The following PNPLA7 variants were observed in gnomAD, a reference collection of about 807,000 sequenced individuals.
PNPLA7 encodes the protein patatin-like phospholipase domain-containing protein 7.
A neutral mutation model predicts 161.7 loss-of-function variants in PNPLA7; 153 were observed. That is an observed-to-expected ratio of 0.95 (90% CI 0.83 to 1.08). The LOEUF is 1.08. Among genes scored for constraint, PNPLA7 ranks in the 50% least tolerant of loss-of-function variants. The probability of loss-of-function intolerance (pLI) is 0.00; values close to 1 mark genes in which losing one functional copy is unlikely to be tolerated. For synonymous variants in PNPLA7, 809 were observed against 782.1 expected (o/e 1.03, Z -0.57); for missense variants, 1,739 against 1,856.6 (o/e 0.94, Z 1.16).
Position 137,547,427 on chromosome 9 carries a change from A to G in PNPLA7, c.106-31T>C. ...CGAGAGTGGAAACACGGCGCCCATC[A>G]GCAAAGCCACAAACCTAACCCTAGC... On this transcript the variant is annotated intron_variant, in intron 2 of 34. Coordinates refer to ENST00000406427, the MANE Select transcript of PNPLA7 (RefSeq NM_001098537.3). The surrounding 1 kb of genome is among the most constrained non-coding windows in gnomAD (Gnocchi z 4.6). 1 of 1,612,056 alleles carries G rather than the reference A, an allele frequency of 6.2e-7. No individual in the cohort carries two copies. Among genetic ancestry groups the G allele is most frequent in the Non-Finnish European group, 8.5e-7 (1 of 1,178,896 alleles).
intron 14 of PNPLA7, among the ~76,000 whole-genome samples, 191 bp downstream of exon 14, chr9:137,505,423 G>A (rs139510511): frequency 1.3e-5 from 2 of 152,174 alleles, no homozygotes; most frequent in South Asian, 2.1e-4. Flanking sequence ...CTTTGAGTTT[G>A]AACATAAGGC....
In PNPLA7 at chr9:137,505,628, G is replaced by A. The variant is rs1041496333; in HGVS notation, c.1459C>T (p.Leu487=). The change falls in exon 14 of 35, where the codon CTG becomes TTG. Residue 487 remains leucine (L), a synonymous_variant. Transcript: ENST00000406427. Reference sequence around the variant, plus strand: ...GGGCCACTCACTTCCAGCTTCATCAGGGTGAGCAGGTCCTTCTTGGCAGCT... The same window carrying A: ...GGGCCACTCACTTCCAGCTTCATCAAGGTGAGCAGGTCCTTCTTGGCAGCT... The part of the protein sequence containing the change: ...FRAAKKDLLT[L]MKLEDSSLLD... The A allele has an allele frequency of 1.9e-6, 3 of 1,614,080 alleles. No homozygotes were observed. Among genetic ancestry groups the A allele is most frequent in the Non-Finnish European group, 2.5e-6 (3 of 1,180,046 alleles).
chr9:137,469,830 A>G, intron 25 of PNPLA7, among the ~76,000 whole-genome samples: 1 of 152,206 alleles, frequency 6.6e-6, no homozygotes, highest in African/African-American at 2.4e-5. Flanking sequence ...AGCATCAATG[A>G]TGAACAGGAA....
At chr9:137,471,479 A>G (rs1422582211) in intron 25 of PNPLA7, among the ~76,000 whole-genome samples, 1 of 151,674 alleles carries the variant, frequency 6.6e-6, no homozygotes, top group Non-Finnish European at 1.5e-5. Flanking sequence ...GGCACCTGTA[A>G]TCCCAGCTCC....
intron 21 of PNPLA7, among the ~76,000 whole-genome samples, chr9:137,484,212 C>T (rs1345610784): frequency 5.3e-5 from 8 of 152,186 alleles, no homozygotes; most frequent in African/African-American, 1.9e-4. Flanking sequence ...GCCACCGCGC[C>T]CGACCGCATT....
intron 23 of PNPLA7, 30 bp from the exon 24 acceptor site, chr9:137,479,268 C>G: frequency 6.7e-7 from 1 of 1,494,172 alleles, no homozygotes. Flanking sequence ...TGTCTGCCAG[C>G]CGGGTGAGCC....
intron 25 of PNPLA7, among the ~76,000 whole-genome samples, chr9:137,473,036 A>G (rs1160603914): frequency 1.3e-5 from 2 of 152,126 alleles, no homozygotes; most frequent in Admixed American, 1.3e-4. Context: ...AAGGTGAAGG[A>G]GGAGCAGAGG....
intron 8 of PNPLA7, among the ~76,000 whole-genome samples, chr9:137,528,619 C>T (rs1319032491): frequency 6.6e-6 from 1 of 151,022 alleles, no homozygotes; most frequent in Non-Finnish European, 1.5e-5. Context: ...ATTCCTTCAT[C>T]TCATCTGACA....
intron 20 of PNPLA7, among the ~76,000 whole-genome samples, chr9:137,487,269 AG>A (rs1252374362): frequency 6.6e-6 from 1 of 152,198 alleles, no homozygotes; most frequent in Non-Finnish European, 1.5e-5. Flanking sequence ...GCTTCTGCCA[AG>A]GGCTGTGACC....
chr9:137,549,035 G>T (rs1041767241), intron 1 of PNPLA7, among the ~76,000 whole-genome samples: 7 of 152,240 alleles, frequency 4.6e-5, no homozygotes, highest in African/African-American at 1.4e-4. Context: ...ATCCAAGGAA[G>T]GCCTATCACG....
At chr9:137,534,154 T>A (rs1186491548) in intron 8 of PNPLA7, among the ~76,000 whole-genome samples, 1 of 142,942 alleles carries the variant, frequency 7.0e-6, no homozygotes, top group African/African-American at 2.7e-5. Context: ...CACAACAGTG[T>A]CCACTCCAGA....
At chr9:137,470,573 T>G (rs944031123) in intron 25 of PNPLA7, among the ~76,000 whole-genome samples, 2 of 152,092 alleles carry the variant, frequency 1.3e-5, no homozygotes, top group South Asian at 2.1e-4. Flanking sequence ...AAAATAAAAA[T>G]TTTTTAAAAA....
At chr9:137,514,479 GC>G (rs1318797935) in intron 12 of PNPLA7, among the ~76,000 whole-genome samples, 5 of 136,472 alleles carry the variant, frequency 3.7e-5, no homozygotes, top group African/African-American at 1.4e-4. Flanking sequence ...AGATGCCCGG[GC>G]CCTGTGGCCG....
chr9:137,504,634 G>A (rs947508743), intron 14 of PNPLA7, among the ~76,000 whole-genome samples: 16 of 152,264 alleles, frequency 1.1e-4, no homozygotes, highest in South Asian at 6.2e-4. Context: ...CCAGGAACAC[G>A]CTGGGTGGGT....
intron 14 of PNPLA7, among the ~76,000 whole-genome samples, chr9:137,503,437 G>A (rs1362331367): frequency 1.5e-5 from 2 of 134,308 alleles, no homozygotes; most frequent in Admixed American, 7.8e-5. Flanking sequence ...AGGAGAATGA[G>A]GAGGGGGAAG....
rs140939884 is a variant in PNPLA7 at position 137,462,228 on chromosome 9, G to C, written c.3596C>G (p.Pro1199Arg). ...SSDYCEYLRP[P>R]IDSYSTLDFG... ...GTCCAGGGTGCTGTAGCTGTCGATG[G>C]GGGGGCGCAGGTACTCGCAGTAGTC... is the stretch of plus-strand genomic sequence containing the variant. Residue 1199 changes from proline (P) to arginine (R), a missense_variant, in exon 31 of 35, where the codon CCC becomes CGC. By Grantham distance (103) the Pro-to-Arg change is moderately radical (BLOSUM62 -2). Coordinates refer to ENST00000406427, the MANE Select transcript of PNPLA7 (RefSeq NM_001098537.3). 1.6e-4 allele frequency: 254 copies of C among 1,606,116 alleles called. No homozygotes were observed. The highest frequency in any genetic ancestry group is 3.3e-4 in the Middle Eastern group (2 of 6,046).
intron 1 of PNPLA7, among the ~76,000 whole-genome samples, chr9:137,549,569 C>CAAA (rs57732454): frequency 6.2e-5 from 6 of 96,042 alleles, no homozygotes; most frequent in Non-Finnish European, 6.0e-5. Flanking sequence ...GACTCCGTCT[C>CAAA]AAAAAAAAAA....
chr9:137,461,787 G>C (rs1831210963), intron 32 of PNPLA7, 144 bp downstream of exon 32: 4 of 1,191,244 alleles, frequency 3.4e-6, no homozygotes, highest in Non-Finnish European at 3.5e-6. Context: ...AGCAATCCTT[G>C]TCCTGGCCCT....
intron 6 of PNPLA7, 125 bp from the exon 7 acceptor site, chr9:137,542,926 G>A: frequency 2.1e-6 from 2 of 965,124 alleles, no homozygotes; most frequent in Non-Finnish European, 3.1e-6. Context: ...GGTCCACACG[G>A]CTGACCAACA....
Sources: allele counts gnomAD v4.1 joint callset (sites outside exome capture counted in the v4.1 genomes callset), GRCh38; gene constraint gnomAD v4.1.1; non-coding constraint Gnocchi (gnomAD v3.1); transcripts MANE v1.5; gene names NCBI Gene and HGNC (gene_info 2026-07-23, HGNC 2026-07-21).